The following PRKG1 variants were observed in gnomAD, a reference collection of about 807,000 sequenced individuals.
The protein encoded by PRKG1 is cGMP-dependent protein kinase 1.
In PRKG1, 35 loss-of-function variants were observed where a neutral mutation model predicts 88.1. The observed-to-expected ratio is 0.40, with a 90% CI of 0.30 to 0.53. The LOEUF (loss-of-function observed/expected upper bound fraction) is 0.53. Among genes scored for constraint, PRKG1 ranks in the 20% least tolerant of loss-of-function variants. The pLI is 0.59. For synonymous variants in PRKG1, 303 were observed against 292.5 expected, an observed-to-expected ratio of 1.04 and a Z score of -0.37; for missense variants, 540 against 839.8, an observed-to-expected ratio of 0.64 and a Z score of 4.41.
chr10:51,176,703 T>C (rs975609908), intron 2 of PRKG1, among the ~76,000 whole-genome samples: 1 of 152,122 alleles, frequency 6.6e-6, no homozygotes, highest in African/African-American at 2.4e-5. Flanking sequence ...GAATGACTAG[T>C]GTCATTTGGC....
chr10:51,772,420 G>A lies in PRKG1; in HGVS notation c.593-32165G>A, dbSNP rs75810068. Among the ~76,000 whole-genome samples, 585 of 152,018 alleles carry A rather than the reference G, an allele frequency of 3.8e-3. 3 individuals are homozygous for A. Among genetic ancestry groups the A allele is most frequent in the African/African-American group, 0.013 (550 of 41,500 alleles). The stretch of plus-strand genomic sequence containing the variant: ...TTATGGAACAAAGAAATTAAAAACT[G>A]GTGAATTAAAAAGAATGAATTAAAC... On this transcript the variant is annotated intron_variant, in intron 3 of 17. Transcript: ENST00000373980.
intron 5 of PRKG1, among the ~76,000 whole-genome samples, chr10:52,040,827 C>A (rs1489786316): frequency 5.9e-5 from 5 of 84,418 alleles, no homozygotes; most frequent in African/African-American, 2.2e-4. Context: ...TCATAAATGG[C>A]TTTTCTTTTT....
intron 1 of PRKG1, among the ~76,000 whole-genome samples, chr10:51,034,667 TTTATATATATATATA>T (rs1843328806): frequency 5.5e-5 from 1 of 18,178 alleles, no homozygotes; most frequent in African/African-American, 2.5e-4. Flanking sequence ...TAATATGTTA[TTTATATATATATATA>T]TATATATATA....
At chr10:51,858,029 T>C (rs112578216) in intron 4 of PRKG1, among the ~76,000 whole-genome samples, 5 of 139,720 alleles carry the variant, frequency 3.6e-5, no homozygotes, top group African/African-American at 1.3e-4. Flanking sequence ...GGCAGGAAAA[T>C]CCAGATTTAA....
At chr10:51,454,666 G>A (rs1216618814) in intron 2 of PRKG1, among the ~76,000 whole-genome samples, 1 of 152,144 alleles carries the variant, frequency 6.6e-6, no homozygotes, top group African/African-American at 2.4e-5. Context: ...ATGATGGCAG[G>A]CAAGAGAAAC....
At chr10:51,288,226 C>T (rs887996279) in intron 2 of PRKG1, among the ~76,000 whole-genome samples, 2 of 151,896 alleles carry the variant, frequency 1.3e-5, no homozygotes, top group Non-Finnish European at 2.9e-5. Context: ...TGTGCCATGC[C>T]GATGAGTGTG....
At chr10:51,434,194 A>G (rs1838856326) in intron 2 of PRKG1, among the ~76,000 whole-genome samples, 1 of 152,086 alleles carries the variant, frequency 6.6e-6, no homozygotes, top group African/African-American at 2.4e-5. Flanking sequence ...TGGGTTACTT[A>G]ACCCCAAGGC....
chr10:52,025,151 T>C (rs1324904636), intron 5 of PRKG1, among the ~76,000 whole-genome samples: 3 of 152,252 alleles, frequency 2.0e-5, no homozygotes, highest in African/African-American at 7.2e-5. Context: ...TCCATTCATA[T>C]CGTTTGCCCA....
intron 1 of PRKG1, among the ~76,000 whole-genome samples, chr10:51,086,265 G>C (rs1313704527): frequency 6.6e-6 from 1 of 152,034 alleles, no homozygotes. Context: ...ATTTATCTAG[G>C]CTTTGCCTTT....
chr10:51,223,044 C>G (rs925043912), intron 2 of PRKG1, among the ~76,000 whole-genome samples: 9 of 151,776 alleles, frequency 5.9e-5, no homozygotes, highest in Admixed American at 6.6e-5. Flanking sequence ...GGTAAGGGCA[C>G]TTAAAATCTA....
chr10:51,616,216 A>G (rs975610993), intron 3 of PRKG1, among the ~76,000 whole-genome samples: 2 of 152,196 alleles, frequency 1.3e-5, no homozygotes, highest in South Asian at 2.1e-4. Context: ...GGCTGAGTAT[A>G]CACATCCTTG....
intron 2 of PRKG1, among the ~76,000 whole-genome samples, chr10:51,325,709 T>G (rs753109557): frequency 1.3e-4 from 20 of 152,218 alleles, no homozygotes; most frequent in Non-Finnish European, 2.9e-4. Flanking sequence ...CCTATAACGT[T>G]TCTCCAATAT....
chr10:52,263,780 T>C (rs553416873), intron 10 of PRKG1, among the ~76,000 whole-genome samples: 1 of 151,976 alleles, frequency 6.6e-6, no homozygotes, highest in African/African-American at 2.4e-5. Context: ...ATGTTGCCCA[T>C]GGCTGGTCTC....
chr10:51,416,495 G>T (rs1412249501), intron 2 of PRKG1, among the ~76,000 whole-genome samples: 1 of 152,174 alleles, frequency 6.6e-6, no homozygotes, highest in Non-Finnish European at 1.5e-5. Flanking sequence ...TCATTACAAA[G>T]ATCTGGGTTT....
intron 3 of PRKG1, among the ~76,000 whole-genome samples, chr10:51,785,331 AC>A (rs992806271): frequency 1.1e-4 from 17 of 152,004 alleles, no homozygotes; most frequent in African/African-American, 3.6e-4. Flanking sequence ...CTGTGGCATA[AC>A]CCTGACCATG....
At chr10:51,304,314 A>G (rs1758806613) in intron 2 of PRKG1, among the ~76,000 whole-genome samples, 1 of 152,142 alleles carries the variant, frequency 6.6e-6, no homozygotes, top group South Asian at 2.1e-4. Flanking sequence ...TTAAAAAATC[A>G]ATTTGAAAAC....
intron 3 of PRKG1, among the ~76,000 whole-genome samples, chr10:51,793,136 T>A (rs1838913808): frequency 2.7e-5 from 1 of 36,378 alleles, no homozygotes; most frequent in African/African-American, 1.6e-4. Flanking sequence ...GTCAGCACAC[T>A]GCAAAAAAAA....
chr10:51,446,930 C>A (rs1839290100), intron 2 of PRKG1, among the ~76,000 whole-genome samples: 1 of 152,012 alleles, frequency 6.6e-6, no homozygotes, highest in Admixed American at 6.6e-5. Flanking sequence ...CAAAGACCCA[C>A]CCATGATAAA....
chr10:51,406,630 T>G (rs1837927197), intron 2 of PRKG1, among the ~76,000 whole-genome samples: 1 of 152,010 alleles, frequency 6.6e-6, no homozygotes, highest in South Asian at 2.1e-4. Flanking sequence ...TGTTTTTTTT[T>G]TTTTTTTTAT....
Sources: allele counts gnomAD v4.1 joint callset (sites outside exome capture counted in the v4.1 genomes callset), GRCh38; gene constraint gnomAD v4.1.1; transcripts MANE v1.5; gene names NCBI Gene and HGNC (gene_info 2026-07-23, HGNC 2026-07-21).